KAT6B: variants seen among roughly 807,000 people sequenced by gnomAD.
The protein encoded by KAT6B is lysine acetyltransferase 6B, also known as histone acetyltransferase KAT6B.
In KAT6B, 10 loss-of-function variants were observed where a neutral mutation model predicts 187.5. That is an observed-to-expected ratio of 0.05 (90% CI 0.03 to 0.09). The LOEUF is 0.09. Among genes scored for constraint, KAT6B ranks in the 10% least tolerant of loss-of-function variants. The pLI, the probability that KAT6B is intolerant of heterozygous loss-of-function variation, is 1.00. For missense variants in KAT6B, 1,952 were observed against 2,558.9 expected, an observed-to-expected ratio of 0.76 and a Z score of 5.12; for synonymous variants, 861 against 926.8, an observed-to-expected ratio of 0.93 and a Z score of 1.29.
rs1193768375 is a variant in KAT6B, at chr10:75,031,304, C to G, written c.*258C>G. Reference sequence around the variant, plus strand: ...TAAAATTCTCTGCAAAGGAAGGCCTCTCTTTGGACTACAATTTGGAGGCAG... The same window carrying G: ...TAAAATTCTCTGCAAAGGAAGGCCTGTCTTTGGACTACAATTTGGAGGCAG... On this transcript the variant is annotated 3_prime_UTR_variant, in exon 18 of 18. Transcript: ENST00000287239. The G allele has an allele frequency of 2.0e-6, 1 of 488,988 alleles. No homozygotes were observed. Among genetic ancestry groups the G allele is most frequent in the African/African-American group, 1.9e-5 (1 of 52,126 alleles). The allele number at this position is 488,988 out of a possible 1,614,324, so 30.3% of individuals were successfully genotyped here. A position where few individuals can be genotyped will look rare whatever the true frequency, so the allele number is the denominator to read the frequency against.
intron 3 of KAT6B, among the ~76,000 whole-genome samples, chr10:74,874,824 GT>G (rs1217307821): frequency 1.3e-5 from 2 of 151,950 alleles, no homozygotes; most frequent in African/African-American, 2.4e-5. Flanking sequence ...GGGTGTGTGT[GT>G]GTGTGTATGT....
chr10:74,976,264 A>G lies in KAT6B; in HGVS notation c.1927A>G (p.Met643Val), dbSNP rs778899637. The change falls in exon 8 of 18, where the codon ATG (methionine) becomes GTG (valine). Residue 643 changes from methionine to valine, a missense_variant. Physicochemically the swap from Met to Val is conservative, Grantham distance 21 (BLOSUM62 1). Around this residue, in one of 9 missense-constraint regions of KAT6B, gnomAD observed 417 missense variants for 508.9 expected, o/e 0.82. Coordinates refer to ENST00000287239, the MANE Select transcript of KAT6B (RefSeq NM_012330.4). The stretch of plus-strand genomic sequence containing the variant: ...ATTAAAATATAAAGTGACCCCTCAG[A>G]TGGGGACCCCCTCACCAGGGAAGGG... ...GRLKYKVTPQ[M>V]GTPSPGKGSL... is the part of the protein sequence containing the mutation. 6.2e-7 allele frequency: 1 copy of G among 1,614,132 alleles called. No homozygotes were observed. The highest frequency in any genetic ancestry group is 1.3e-5 in the African/African-American group (1 of 75,038).
intron 3 of KAT6B, among the ~76,000 whole-genome samples, chr10:74,885,795 G>T (rs528853590): frequency 3.9e-4 from 59 of 150,274 alleles, no homozygotes; most frequent in Non-Finnish European, 8.0e-4. Context: ...GCAGTGGCAC[G>T]ATCTCAGCTC....
intron 3 of KAT6B, among the ~76,000 whole-genome samples, chr10:74,920,957 A>G (rs987784808): frequency 4.6e-5 from 7 of 152,130 alleles, no homozygotes; most frequent in Non-Finnish European, 7.4e-5. Flanking sequence ...CTAAAAGGAA[A>G]GATTATTTGG....
intron 3 of KAT6B, among the ~76,000 whole-genome samples, chr10:74,885,187 C>T (rs1845149588): frequency 6.6e-6 from 1 of 151,956 alleles, no homozygotes; most frequent in African/African-American, 2.4e-5. Context: ...CCTGCCTTAG[C>T]CTTCTGAGTA....
intron 3 of KAT6B, among the ~76,000 whole-genome samples, chr10:74,849,527 A>G (rs987446353): frequency 1.3e-5 from 2 of 152,074 alleles, no homozygotes; most frequent in African/African-American, 2.4e-5. Context: ...TCGTGATCTC[A>G]AGTGATCCGC....
chr10:74,886,268 ATGTTCTG>A (rs1443353903), intron 3 of KAT6B, among the ~76,000 whole-genome samples: 2 of 152,150 alleles, frequency 1.3e-5, no homozygotes, highest in Admixed American at 6.6e-5. Flanking sequence ...ATGCCCTGCG[ATGTTCTG>A]CTGAGTTTCA....
chr10:74,846,656 C>T (rs1221264842), intron 3 of KAT6B, among the ~76,000 whole-genome samples: 1 of 152,106 alleles, frequency 6.6e-6, no homozygotes, highest in Non-Finnish European at 1.5e-5. Context: ...CCAGGATGGC[C>T]TCAATCTCCT....
At chr10:74,990,040 C>T (rs552872433) in intron 13 of KAT6B, among the ~76,000 whole-genome samples, 1 of 151,472 alleles carries the variant, frequency 6.6e-6, no homozygotes, top group South Asian at 2.1e-4. Context: ...CTAAAAAATA[C>T]AAAAATTAGC....
chr10:74,936,043 A>G (rs188133535), intron 3 of KAT6B, among the ~76,000 whole-genome samples: 80 of 152,310 alleles, frequency 5.3e-4, no homozygotes, highest in Middle Eastern at 3.4e-3. Context: ...TAGTACAGCC[A>G]TTATTTAGCA....
chr10:74,869,855 C>T (rs1426906585), intron 3 of KAT6B, among the ~76,000 whole-genome samples: 1 of 152,124 alleles, frequency 6.6e-6, no homozygotes, highest in African/African-American at 2.4e-5. Flanking sequence ...TATCTGTTAC[C>T]TCATCTGTCA....
At position 74,986,466 on chromosome 10, in the gene KAT6B, T is replaced by C. The variant is rs143393365; in HGVS notation, c.2535+1225T>C. ...GGGATGCTTTATAGAAGTGCCATTT[T>C]AATGAAGTTTCAAAAGATAGAATAT... On this transcript the variant is annotated intron_variant, in intron 12 of 17. Coordinates refer to ENST00000287239, the MANE Select transcript of KAT6B (RefSeq NM_012330.4). 4.0e-3 allele frequency among the ~76,000 whole-genome samples: 605 copies of C among 152,350 alleles called. 2 individuals carry two copies. The highest frequency in any genetic ancestry group is 6.2e-3 in the Non-Finnish European group (422 of 68,018).
intron 3 of KAT6B, among the ~76,000 whole-genome samples, chr10:74,885,265 T>C (rs1368499301): frequency 1.3e-5 from 2 of 151,686 alleles, no homozygotes; most frequent in African/African-American, 4.8e-5. Context: ...AGATATGGGG[T>C]CTCTCTATGT....
intron 4 of KAT6B, among the ~76,000 whole-genome samples, chr10:74,965,762 G>C (rs1841418021): frequency 1.3e-5 from 2 of 150,036 alleles, no homozygotes; most frequent in African/African-American, 4.9e-5. Context: ...GTCTCACTCT[G>C]ATGCCCAGGC....
chr10:75,013,931 T>C (rs1182575399), intron 13 of KAT6B, among the ~76,000 whole-genome samples: 1 of 152,192 alleles, frequency 6.6e-6, no homozygotes, highest in Non-Finnish European at 1.5e-5. Flanking sequence ...TGTCGTATTG[T>C]ATGCAATATA....
rs774976317 is a variant in KAT6B at position 75,030,451 on chromosome 10, C to T, written c.5627C>T (p.Ala1876Val). ...HSVPGGPQAQ[A>V]TMTPPPNLTP... ...GTCCCTGGGGGACCCCAAGCACAAG[C>T]TACCATGACCCCACCCCCCAACCTG... The change falls in exon 18 of 18, where the codon GCT becomes GTT. Residue 1876 changes from alanine (A) to valine (V), a missense_variant. Physicochemically the swap from Ala to Val is moderately conservative, Grantham distance 64 (BLOSUM62 0). Transcript: ENST00000287239. This position sits in a 1 kb window ranked among gnomAD's most constrained non-coding sequence, Gnocchi z 4.8. The T allele has an allele frequency of 6.2e-7, 1 of 1,613,882 alleles. No individual in the cohort carries two copies. Among genetic ancestry groups the T allele is most frequent in the South Asian group, 1.1e-5 (1 of 91,090 alleles).
chr10:75,025,382 T>C, intron 17 of KAT6B, 133 bp downstream of exon 17: 1 of 831,098 alleles, frequency 1.2e-6, no homozygotes, highest in Non-Finnish European at 2.0e-6. Flanking sequence ...CAAGTGCCCA[T>C]CTGCCCTTTC....
intron 13 of KAT6B, among the ~76,000 whole-genome samples, chr10:75,005,563 T>A (rs1040190679): frequency 2.6e-5 from 4 of 152,252 alleles, no homozygotes; most frequent in African/African-American, 9.6e-5. Context: ...GGTAGTTTTT[T>A]GGTTGGTTGG....
At chr10:74,959,658 C>T (rs1254385048) in intron 3 of KAT6B, among the ~76,000 whole-genome samples, 1 of 152,066 alleles carries the variant, frequency 6.6e-6, no homozygotes, top group African/African-American at 2.4e-5. Context: ...GGCATAGTGG[C>T]GCGCATCTGT....
Sources: gnomAD v4.1 joint callset for allele counts (sites outside exome capture counted in the v4.1 genomes callset) on GRCh38, gnomAD v4.1.1 for gene constraint, gnomAD v4.1.1 regional missense constraint, Gnocchi (gnomAD v3.1) non-coding constraint, MANE v1.5 for transcripts, NCBI Gene and HGNC (gene_info 2026-07-23, HGNC 2026-07-21) for gene names.